TASP1: variants seen among roughly 807,000 people sequenced by gnomAD.
The protein encoded by TASP1 is threonine aspartase 1.
TASP1 carries 16 observed loss-of-function variants against 56.6 expected under a neutral mutation model. The observed-to-expected ratio is 0.28, with a 90% CI of 0.19 to 0.43. The LOEUF (loss-of-function observed/expected upper bound fraction) is 0.43, where lower values mean the gene tolerates loss of function less well. Ranked by LOEUF, TASP1 falls within the 20% of genes least tolerant of loss-of-function variation. The pLI is 1.00. For synonymous variants in TASP1, 179 were observed against 184.2 expected, an observed-to-expected ratio of 0.97 and a Z score of 0.23; for missense variants, 393 against 511.6, an observed-to-expected ratio of 0.77 and a Z score of 2.24.
chr20:13,528,533 T>C, intron 9 of TASP1, 22 bp from the exon 10 acceptor site: 3 of 1,580,814 alleles, frequency 1.9e-6, no homozygotes, highest in Non-Finnish European at 2.6e-6. Context: ...AGAAAATAGA[T>C]ATAATATTTC....
At chr20:13,391,277 C>A (rs1310186487) in intron 13 of TASP1, among the ~76,000 whole-genome samples, 6 of 152,166 alleles carry the variant, frequency 3.9e-5, no homozygotes, top group Admixed American at 3.9e-4. Flanking sequence ...AGTGTTACAA[C>A]ATCACTCAGA....
At chr20:13,393,007 T>C (rs940758035) in intron 13 of TASP1, 2 of 582,138 alleles carry the variant, frequency 3.4e-6, no homozygotes, top group African/African-American at 1.9e-5. Context: ...TGGAGCTCAC[T>C]TGCAGCAGGG....
intron 7 of TASP1, among the ~76,000 whole-genome samples, chr20:13,560,249 C>T (rs1418888493): frequency 6.6e-6 from 1 of 152,078 alleles, no homozygotes; most frequent in Non-Finnish European, 1.5e-5. Context: ...ACAGAATATT[C>T]CTAAAAACAT....
the TASP1 span, among the ~76,000 whole-genome samples, chr20:13,287,963 C>A: frequency 1.3e-5 from 2 of 152,176 alleles, no homozygotes; most frequent in Non-Finnish European, 2.9e-5. Flanking sequence ...CTGGGAATGG[C>A]TAGAAGGCTT....
the TASP1 span, among the ~76,000 whole-genome samples, chr20:13,105,393 TC>T: frequency 6.6e-6 from 1 of 152,150 alleles, no homozygotes; most frequent in Admixed American, 6.6e-5. Flanking sequence ...CACAACGAAG[TC>T]CCTGACTTGG....
At chr20:13,234,795 C>T in the TASP1 span, among the ~76,000 whole-genome samples, 40,198 of 152,000 alleles carry the variant, frequency 0.26, 5,523 homozygotes, top group African/African-American at 0.35. Context: ...GACTTTTTAA[C>T]GAGGTCATTT....
At chr20:13,211,281 C>T in the TASP1 span, among the ~76,000 whole-genome samples, 1 of 152,080 alleles carries the variant, frequency 6.6e-6, no homozygotes, top group Non-Finnish European at 1.5e-5. Context: ...TTACAGTAAA[C>T]ATTTTTATTT....
chr20:13,625,148 AAC>A, intron 3 of TASP1, 35 bp downstream of exon 3: 1 of 1,432,678 alleles, frequency 7.0e-7, no homozygotes, highest in South Asian at 1.5e-5. Context: ...TTCTGTTCAA[AAC>A]TGCAATGCAC....
the TASP1 span, among the ~76,000 whole-genome samples, chr20:13,311,235 TA>T: frequency 6.4e-5 from 7 of 110,046 alleles, no homozygotes; most frequent in Admixed American, 1.9e-4. Flanking sequence ...GATAGATAGA[TA>T]GATAGATGAT....
At chr20:13,142,345 G>A in the TASP1 span, among the ~76,000 whole-genome samples, 2 of 152,290 alleles carry the variant, frequency 1.3e-5, no homozygotes, top group African/African-American at 4.8e-5. Flanking sequence ...ACCCTGAGAT[G>A]GGGGAGTGGT....
At chr20:13,397,763 C>T (rs761431865) in intron 13 of TASP1, among the ~76,000 whole-genome samples, 12 of 152,170 alleles carry the variant, frequency 7.9e-5, no homozygotes, top group Non-Finnish European at 1.8e-4. Flanking sequence ...ATCACTGGCT[C>T]TCTGGGTTTC....
At chr20:13,199,870 G>A in the TASP1 span, among the ~76,000 whole-genome samples, 29 of 152,264 alleles carry the variant, frequency 1.9e-4, no homozygotes, top group African/African-American at 6.0e-4. Flanking sequence ...TCAACCAGCC[G>A]TGCTGACTTC....
rs1050503530 is a variant in TASP1, at chr20:13,461,543, C to T, written c.985+21684G>A. Among the ~76,000 whole-genome samples the T allele has an allele frequency of 2.0e-5, 3 of 152,244 alleles. No homozygotes were observed. The Middle Eastern group carries it at 0.01, about 518-fold the overall frequency. On this transcript the variant is annotated intron_variant, in intron 11 of 13. Coordinates refer to ENST00000337743, the MANE Select transcript of TASP1 (RefSeq NM_017714.3). The stretch of plus-strand genomic sequence containing the variant: ...TAGGCCAGGAATTGGCAAGCTTTTT[C>T]CATAAAGGGCCAGGCAGTAAAATTT...
chr20:13,370,731 T>C, the TASP1 span, among the ~76,000 whole-genome samples: 3 of 152,146 alleles, frequency 2.0e-5, no homozygotes, highest in South Asian at 2.1e-4. Context: ...CCCTAATCCA[T>C]TACGACTGAT....
intron 10 of TASP1, among the ~76,000 whole-genome samples, chr20:13,496,776 C>A (rs369546735): frequency 6.6e-6 from 1 of 152,268 alleles, no homozygotes; most frequent in Non-Finnish European, 1.5e-5. Flanking sequence ...GATGAAGAAA[C>A]TTCCAAGAGT....
chr20:13,630,583 A>AG (rs528094412), intron 1 of TASP1, among the ~76,000 whole-genome samples: 155 of 150,750 alleles, frequency 1.0e-3, no homozygotes, highest in Admixed American at 1.7e-3. Flanking sequence ...CCAGCTACGC[A>AG]GGAGGCTGAG....
At chr20:13,506,594 A>C (rs2044140920) in intron 10 of TASP1, among the ~76,000 whole-genome samples, 1 of 152,190 alleles carries the variant, frequency 6.6e-6, no homozygotes, top group Non-Finnish European at 1.5e-5. Flanking sequence ...CCCATATGCA[A>C]ATTTATAAAT....
intron 12 of TASP1, among the ~76,000 whole-genome samples, chr20:13,434,704 C>CTCTATT (rs1266123156): frequency 1.3e-5 from 2 of 152,074 alleles, no homozygotes; most frequent in Non-Finnish European, 2.9e-5. Flanking sequence ...GAAGAAGCCT[C>CTCTATT]TCTATTACTG....
At chr20:13,423,001 A>G (rs1269332471) in intron 12 of TASP1, among the ~76,000 whole-genome samples, 4 of 152,238 alleles carry the variant, frequency 2.6e-5, no homozygotes, top group Non-Finnish European at 5.9e-5. Flanking sequence ...TCTTTGACCT[A>G]GCAATTCTAT....
Sources: allele counts gnomAD v4.1 joint callset (sites outside exome capture counted in the v4.1 genomes callset), GRCh38; gene constraint gnomAD v4.1.1; transcripts MANE v1.5; gene names NCBI Gene and HGNC (gene_info 2026-07-23, HGNC 2026-07-21).